NALF1: variants seen among roughly 807,000 people sequenced by gnomAD.
NALF1 encodes the protein NALCN channel auxiliary factor 1, also known as family with sequence similarity 155 member A.
Under a neutral mutation model 48.4 loss-of-function variants are expected in NALF1, and 3 were observed. The ratio of observed to expected loss-of-function variants is 0.06; its 90% CI spans 0.03 to 0.16. The LOEUF (loss-of-function observed/expected upper bound fraction) is 0.16. NALF1 is among the 10% of genes least tolerant of loss of function. NALF1 has a pLI of 1.00. For missense variants in NALF1, 526 were observed against 571.5 expected (o/e 0.92, Z 0.81); for synonymous variants, 262 against 245.7 (o/e 1.07, Z -0.62).
At chr13:107,562,061 T>C (rs1437459465) in intron 1 of NALF1, among the ~76,000 whole-genome samples, 1 of 152,224 alleles carries the variant, frequency 6.6e-6, no homozygotes, top group East Asian at 1.9e-4. Flanking sequence ...GGTTGCCTAG[T>C]AGTCTATCTG....
intron 1 of NALF1, among the ~76,000 whole-genome samples, chr13:107,830,019 A>G (rs370008021): frequency 6.6e-6 from 1 of 152,192 alleles, no homozygotes; most frequent in African/African-American, 2.4e-5. Flanking sequence ...CCTAACTCGC[A>G]GAAGATTACC....
chr13:107,186,547 T>C (rs1234613234), intron 2 of NALF1, among the ~76,000 whole-genome samples: 2 of 152,124 alleles, frequency 1.3e-5, no homozygotes, highest in Admixed American at 6.5e-5. Context: ...TTTGTAATTT[T>C]AGTAGAGATG....
chr13:107,550,869 T>C (rs142654548), intron 1 of NALF1, among the ~76,000 whole-genome samples: 106 of 152,154 alleles, frequency 7.0e-4, no homozygotes, highest in Non-Finnish European at 1.3e-3. Flanking sequence ...TTTCTCTAAC[T>C]TTGAGGTTAT....
chr13:107,426,934 T>C (rs1884290562), intron 1 of NALF1, among the ~76,000 whole-genome samples: 1 of 152,026 alleles, frequency 6.6e-6, no homozygotes, highest in Admixed American at 6.5e-5. Context: ...AATGAATAAT[T>C]GTAAAAAGCA....
At chr13:107,303,207 G>C (rs1394620568) in intron 1 of NALF1, among the ~76,000 whole-genome samples, 1 of 151,980 alleles carries the variant, frequency 6.6e-6, no homozygotes, top group East Asian at 1.9e-4. Flanking sequence ...AAATGTCTAC[G>C]TAAGTTCTTT....
intron 1 of NALF1, among the ~76,000 whole-genome samples, chr13:107,570,159 T>C (rs1877943448): frequency 6.6e-6 from 1 of 150,760 alleles, no homozygotes; most frequent in South Asian, 2.1e-4. Context: ...GTTTTACTTC[T>C]TCCTTTCCAA....
intron 1 of NALF1, among the ~76,000 whole-genome samples, chr13:107,791,231 C>G (rs1878222060): frequency 6.6e-6 from 1 of 152,010 alleles, no homozygotes; most frequent in South Asian, 2.1e-4. Context: ...ATCAAATATT[C>G]CCTAAAATTT....
Position 107,286,418 on chromosome 13 carries a change from T to C in NALF1, c.916-75663A>G, listed in dbSNP as rs964268791. On this transcript the variant is annotated intron_variant, in intron 1 of 2. Transcript: ENST00000375915. ...GGAGGCTGAGGGAGCAGATCCTTTA[T>C]GCCAGGGAGTTTGAGATCAATCTGG... Among the ~76,000 whole-genome samples the C allele has an allele frequency of 3.3e-5, 5 of 152,052 alleles. No individual in the cohort carries two copies. The East Asian group carries it at 5.8e-4, about 18-fold the overall frequency.
chr13:107,417,019 T>G (rs1466711037), intron 1 of NALF1, among the ~76,000 whole-genome samples: 2 of 152,224 alleles, frequency 1.3e-5, no homozygotes, highest in Non-Finnish European at 2.9e-5. Flanking sequence ...TTGTGCCAAC[T>G]TTCATTCAGT....
chr13:107,339,882 G>T (rs538958420), intron 1 of NALF1, among the ~76,000 whole-genome samples: 6 of 152,124 alleles, frequency 3.9e-5, no homozygotes, highest in African/African-American at 9.7e-5. Flanking sequence ...TTATTCTATA[G>T]ATCACAAACA....
chr13:107,867,188 T>C lies in NALF1; in HGVS notation c.-592A>G, dbSNP rs1309536140. On this transcript the variant is annotated 5_prime_UTR_variant, in exon 1 of 3. Transcript: ENST00000375915. This position sits in a 1 kb window ranked among gnomAD's most constrained non-coding sequence, Gnocchi z 4.4. ...CTCCTCCTTCCTTTCCTTCTCCTTC[T>C]TCTTCTCCTCCGCCTCCCGCTCCTG... Among the ~76,000 whole-genome samples, 1 of 151,568 alleles carries C rather than the reference T, an allele frequency of 6.6e-6. No homozygotes were observed. Among genetic ancestry groups the C allele is most frequent in the Admixed American group, 6.6e-5 (1 of 15,250 alleles).
At chr13:107,191,692 C>T (rs189105147) in intron 2 of NALF1, among the ~76,000 whole-genome samples, 1 of 149,814 alleles carries the variant, frequency 6.7e-6, no homozygotes, top group Non-Finnish European at 1.5e-5. Flanking sequence ...TTTTGAGATG[C>T]AGTCTCACTC....
intron 1 of NALF1, among the ~76,000 whole-genome samples, chr13:107,800,331 T>C (rs1162686786): frequency 6.6e-6 from 1 of 152,058 alleles, no homozygotes; most frequent in Non-Finnish European, 1.5e-5. Context: ...TGAATGATTT[T>C]ATCGTATTTT....
intron 1 of NALF1, among the ~76,000 whole-genome samples, chr13:107,722,138 C>G (rs186020467): frequency 6.6e-6 from 1 of 151,970 alleles, no homozygotes; most frequent in Admixed American, 6.6e-5. Context: ...GTTAAAAGTT[C>G]GGTAAATCTA....
chr13:107,182,240 G>T (rs1879079056), intron 2 of NALF1, among the ~76,000 whole-genome samples: 1 of 105,144 alleles, frequency 9.5e-6, no homozygotes, highest in East Asian at 2.2e-4. Flanking sequence ...GTGTGTGTGT[G>T]TGTGTGTGTG....
At position 107,165,200 on chromosome 13, in the gene NALF1, A is replaced by G. The variant is rs2138755903; in HGVS notation, c.*5297T>C. 6.6e-6 allele frequency: 1 copy of G among 152,324 alleles called. No homozygotes were observed. Among genetic ancestry groups the G allele is most frequent in the African/African-American group, 2.4e-5 (1 of 41,572 alleles). 9.4% of individuals were successfully genotyped at this position (152,324 alleles called of 1,614,324 possible). A position where few individuals can be genotyped will look rare whatever the true frequency, so the allele number is the denominator to read the frequency against. ...TTACCTCCAAAATATTGAATAACAC[A>G]GCAAAGTCATGGAACAAAATGTAAC... On this transcript the variant is annotated 3_prime_UTR_variant, in exon 3 of 3. Transcript: ENST00000375915.
chr13:107,190,783 T>C (rs924216873), intron 2 of NALF1, among the ~76,000 whole-genome samples: 1 of 152,212 alleles, frequency 6.6e-6, no homozygotes, highest in African/African-American at 2.4e-5. Context: ...AATTTTAATA[T>C]TTCCAGTAGA....
chr13:107,595,071 A>T (rs1488187494), intron 1 of NALF1, among the ~76,000 whole-genome samples: 3 of 152,116 alleles, frequency 2.0e-5, no homozygotes, highest in African/African-American at 7.2e-5. Flanking sequence ...ATACACACAT[A>T]GTTAGAAAGC....
At chr13:107,459,300 T>TAAATA (rs990496692) in intron 1 of NALF1, among the ~76,000 whole-genome samples, 1 of 151,936 alleles carries the variant, frequency 6.6e-6, no homozygotes, top group East Asian at 1.9e-4. Context: ...AAAAGGAAAT[T>TAAATA]AAGCGTGTTA....
Sources: allele counts gnomAD v4.1 joint callset (sites outside exome capture counted in the v4.1 genomes callset), GRCh38; gene constraint gnomAD v4.1.1; non-coding constraint Gnocchi (gnomAD v3.1); transcripts MANE v1.5; gene names NCBI Gene and HGNC (gene_info 2026-07-23, HGNC 2026-07-21).